Variants in RRAS2 observed in about 807,000 individuals in gnomAD.
The protein encoded by RRAS2 is ras-related protein R-Ras2.
Under a neutral mutation model 27.6 loss-of-function variants are expected in RRAS2, and 7 were observed. The observed-to-expected ratio is 0.25, with a 90% confidence interval of 0.14 to 0.48. The LOEUF is 0.48. RRAS2 is among the 20% of genes least tolerant of loss of function. RRAS2 has a pLI of 0.99. For synonymous variants in RRAS2, 86 were observed against 90.9 expected (o/e 0.95, Z 0.31); for missense variants, 178 against 256.2 (o/e 0.69, Z 2.08).
At chr11:14,288,127 C>T (rs576938191) in intron 4 of RRAS2, among the ~76,000 whole-genome samples, 8 of 152,188 alleles carry the variant, frequency 5.3e-5, no homozygotes, top group East Asian at 1.9e-4. Flanking sequence ...ACTACAGGCA[C>T]GTGCCACCAT....
intron 4 of RRAS2, among the ~76,000 whole-genome samples, chr11:14,293,120 A>ATAT (rs1369926481): frequency 6.0e-5 from 3 of 50,092 alleles, no homozygotes; most frequent in Admixed American, 6.3e-4. Flanking sequence ...AACAAAACAA[A>ATAT]ACAAATATAT....
At chr11:14,342,570 TCCAA>T (rs1259360034) in intron 1 of RRAS2, among the ~76,000 whole-genome samples, 32 of 152,262 alleles carry the variant, frequency 2.1e-4, no homozygotes, top group Middle Eastern at 6.8e-3. Flanking sequence ...GAAAATGAAG[TCCAA>T]CCAACCAACC....
chr11:14,287,533 A>G (rs1230743221), intron 4 of RRAS2, among the ~76,000 whole-genome samples: 2 of 152,128 alleles, frequency 1.3e-5, no homozygotes, highest in African/African-American at 4.8e-5. Flanking sequence ...TGCATAATGT[A>G]ATTCACATAA....
At chr11:14,295,264 C>T (rs1847513961) in intron 2 of RRAS2, among the ~76,000 whole-genome samples, 1 of 152,322 alleles carries the variant, frequency 6.6e-6, no homozygotes, top group African/African-American at 2.4e-5. Flanking sequence ...CAATACCATA[C>T]TTAGTGCAGG....
At chr11:14,291,433 C>T (rs1047145339) in intron 4 of RRAS2, among the ~76,000 whole-genome samples, 1 of 152,104 alleles carries the variant, frequency 6.6e-6, no homozygotes, top group East Asian at 1.9e-4. Context: ...AGAGAGTAGA[C>T]GCCATATAAA....
chr11:14,325,545 C>T (rs1006737733), intron 1 of RRAS2, among the ~76,000 whole-genome samples: 1 of 152,102 alleles, frequency 6.6e-6, no homozygotes, highest in Non-Finnish European at 1.5e-5. Flanking sequence ...GTGATCCTCC[C>T]GCCTTGGCCT....
intron 1 of RRAS2, among the ~76,000 whole-genome samples, chr11:14,329,047 GTATATACACACACATA>G (rs1554951579): frequency 7.6e-6 from 1 of 131,960 alleles, no homozygotes; most frequent in African/African-American, 2.9e-5. Flanking sequence ...ACATATATAT[GTATATACACACACATA>G]TACATACACA....
rs559105545 is a variant in RRAS2 at position 14,300,078 on chromosome 11, C to T, written c.109-4223G>A. Among the ~76,000 whole-genome samples, 19 of 152,090 alleles carry T rather than the reference C, an allele frequency of 1.2e-4. No individual in the cohort carries two copies. The South Asian group carries it at 3.9e-3, about 32-fold the overall frequency. On this transcript the variant is annotated intron_variant, in intron 1 of 5. Transcript: ENST00000256196. ...AAGCACAGTATTGCACTGAGCTAGA[C>T]AGTAAAGGTTCAGGCAAGGATAGGG...
intron 1 of RRAS2, among the ~76,000 whole-genome samples, chr11:14,354,210 A>G (rs1282726481): frequency 1.3e-5 from 2 of 152,234 alleles, no homozygotes; most frequent in Non-Finnish European, 2.9e-5. Context: ...TGCTGGGTCC[A>G]GACTAACAGG....
intron 1 of RRAS2, among the ~76,000 whole-genome samples, chr11:14,318,896 G>C (rs926977354): frequency 1.3e-5 from 2 of 152,140 alleles, no homozygotes; most frequent in Non-Finnish European, 2.9e-5. Flanking sequence ...TTACTGACTT[G>C]GCAACAATAC....
intron 1 of RRAS2, among the ~76,000 whole-genome samples, chr11:14,299,218 A>C (rs1847634044): frequency 6.6e-6 from 1 of 152,208 alleles, no homozygotes. Flanking sequence ...AAGTATAAAG[A>C]TTTGCTAAGC....
chr11:14,307,892 T>G (rs1282160824), intron 1 of RRAS2, among the ~76,000 whole-genome samples: 1 of 152,118 alleles, frequency 6.6e-6, no homozygotes, highest in African/African-American at 2.4e-5. Context: ...CCCAGCAATT[T>G]CAATTCCAGA....
At chr11:14,296,574 T>C (rs1356867892) in intron 1 of RRAS2, among the ~76,000 whole-genome samples, 1 of 152,180 alleles carries the variant, frequency 6.6e-6, no homozygotes, top group Admixed American at 6.5e-5. Flanking sequence ...AAGTCAAGTA[T>C]CTGGAAAAAA....
chr11:14,305,542 AACTCCCC>A (rs1347834393), intron 1 of RRAS2, among the ~76,000 whole-genome samples: 1 of 152,166 alleles, frequency 6.6e-6, no homozygotes, highest in Non-Finnish European at 1.5e-5. Flanking sequence ...AGCCTGACCT[AACTCCCC>A]ACTCCAATAG....
chr11:14,358,614 T>A lies in RRAS2; in HGVS notation c.108+149A>T. 1.0e-6 allele frequency: 1 copy of A among 979,172 alleles called. No homozygotes were observed. The highest frequency in any genetic ancestry group is 1.2e-6 in the Non-Finnish European group (1 of 824,308). 60.7% of individuals were successfully genotyped at this position (979,172 alleles called of 1,614,324 possible). A position where few individuals can be genotyped will look rare whatever the true frequency, so the allele number is the denominator to read the frequency against. On this transcript the variant is annotated intron_variant, in intron 1 of 5. Transcript: ENST00000256196. This position sits in a 1 kb window ranked among gnomAD's most constrained non-coding sequence, Gnocchi z 5.1. ...ACGCTGCGGCCGCAGGGCAGGAGCG[T>A]AGTCGGCCCCGCGCCCTCCCGCCCC...
chr11:14,310,502 G>C (rs1379853500), intron 1 of RRAS2, among the ~76,000 whole-genome samples: 2 of 152,200 alleles, frequency 1.3e-5, no homozygotes, highest in Non-Finnish European at 2.9e-5. Context: ...ATGGTAGCCA[G>C]GAGGCCAAGA....
chr11:14,349,349 G>A (rs1383256773), intron 1 of RRAS2, among the ~76,000 whole-genome samples: 1 of 145,812 alleles, frequency 6.9e-6, no homozygotes, highest in African/African-American at 2.5e-5. Flanking sequence ...TTTTAGTAAA[G>A]AGGGGGGTTT....
chr11:14,283,581 T>C (rs1849596076), intron 4 of RRAS2, among the ~76,000 whole-genome samples: 1 of 152,228 alleles, frequency 6.6e-6, no homozygotes, highest in African/African-American at 2.4e-5. Flanking sequence ...TCAATTTATT[T>C]TGTAGATAAA....
At chr11:14,344,077 A>T (rs1200699271) in intron 1 of RRAS2, among the ~76,000 whole-genome samples, 1 of 152,132 alleles carries the variant, frequency 6.6e-6, no homozygotes, top group African/African-American at 2.4e-5. Flanking sequence ...GGGGACATCA[A>T]GGCTGCAGTG....
Sources: gnomAD v4.1 joint callset for allele counts (sites outside exome capture counted in the v4.1 genomes callset) on GRCh38, gnomAD v4.1.1 for gene constraint, Gnocchi (gnomAD v3.1) non-coding constraint, MANE v1.5 for transcripts, NCBI Gene and HGNC (gene_info 2026-07-23, HGNC 2026-07-21) for gene names.